ADGRB3: variants seen among roughly 807,000 people sequenced by gnomAD.
ADGRB3 encodes the protein brain-specific angiogenesis inhibitor 3.
A neutral mutation model predicts 193.4 loss-of-function variants in ADGRB3; 37 were observed. The ratio of observed to expected loss-of-function variants is 0.19; its 90% CI spans 0.15 to 0.25. ADGRB3 has a LOEUF of 0.25. Ranked by LOEUF, ADGRB3 falls within the 10% of genes least tolerant of loss-of-function variation. The pLI, the probability that ADGRB3 is intolerant of heterozygous loss-of-function variation, is 1.00. For synonymous variants in ADGRB3, 690 were observed against 644.2 expected, an observed-to-expected ratio of 1.07 and a Z score of -1.08; for missense variants, 1,637 against 1,852.9, an observed-to-expected ratio of 0.88 and a Z score of 2.14.
At chr6:68,659,013 T>C (rs970712529) in intron 3 of ADGRB3, among the ~76,000 whole-genome samples, 1 of 151,168 alleles carries the variant, frequency 6.6e-6, no homozygotes, top group African/African-American at 2.4e-5. Flanking sequence ...ATTCCCTGGC[T>C]TAGAGAATAT....
intron 17 of ADGRB3, among the ~76,000 whole-genome samples, chr6:69,198,330 G>A (rs911774883): frequency 3.9e-5 from 6 of 152,010 alleles, no homozygotes; most frequent in Non-Finnish European, 8.8e-5. Flanking sequence ...ATAAAGGGAT[G>A]AATGAGACTG....
intron 3 of ADGRB3, among the ~76,000 whole-genome samples, chr6:68,839,522 A>G (rs1393843850): frequency 1.3e-5 from 2 of 152,218 alleles, no homozygotes; most frequent in African/African-American, 4.8e-5. Flanking sequence ...AACTTTACAT[A>G]GATGTCACCT....
intron 17 of ADGRB3, among the ~76,000 whole-genome samples, chr6:69,150,736 A>G (rs745627931): frequency 1.7e-4 from 26 of 152,316 alleles, no homozygotes; most frequent in African/African-American, 5.8e-4. Context: ...TGAAGTCAGC[A>G]TATCTCACCC....
At chr6:69,170,247 G>T (rs1775237961) in intron 17 of ADGRB3, among the ~76,000 whole-genome samples, 1 of 152,112 alleles carries the variant, frequency 6.6e-6, no homozygotes, top group African/African-American at 2.4e-5. Flanking sequence ...TTCAGTTCAA[G>T]CATATGTTGA....
chr6:69,214,084 G>T (rs1003148052), intron 17 of ADGRB3, among the ~76,000 whole-genome samples: 8 of 152,162 alleles, frequency 5.3e-5, no homozygotes, highest in African/African-American at 1.9e-4. Flanking sequence ...ATTAAGGAAA[G>T]TTTTACAGAG....
rs774161583 is a variant in ADGRB3 at position 69,235,020 on chromosome 6, T to C, written c.2608-12T>C. On this transcript the variant is annotated splice_polypyrimidine_tract_variant and intron_variant, in intron 18 of 31. Transcript: ENST00000370598. ...ACCAATTTGTTTCTTTTTTGTTTTGTTTAATTCACAGATCATGGAATCCTC... is the reference window on the plus strand; with the variant it reads ...ACCAATTTGTTTCTTTTTTGTTTTGCTTAATTCACAGATCATGGAATCCTC... 1 of 1,590,316 alleles carries C rather than the reference T, an allele frequency of 6.3e-7. No homozygotes were observed. The highest frequency in any genetic ancestry group is 8.6e-7 in the Non-Finnish European group (1 of 1,161,502).
At chr6:68,793,511 T>C (rs1049282791) in intron 3 of ADGRB3, among the ~76,000 whole-genome samples, 1 of 152,164 alleles carries the variant, frequency 6.6e-6, no homozygotes, top group Non-Finnish European at 1.5e-5. Flanking sequence ...TTCAAGGTTA[T>C]ATTCTATAAT....
intron 30 of ADGRB3, among the ~76,000 whole-genome samples, chr6:69,377,718 G>C (rs1174427802): frequency 6.6e-6 from 1 of 151,994 alleles, no homozygotes; most frequent in Non-Finnish European, 1.5e-5. Context: ...GCTTCTAAAA[G>C]TCTGTATACA....
At chr6:68,729,972 G>T (rs903113142) in intron 3 of ADGRB3, among the ~76,000 whole-genome samples, 2 of 151,212 alleles carry the variant, frequency 1.3e-5, no homozygotes, top group Non-Finnish European at 3.0e-5. Context: ...TAATCTGGTG[G>T]AAAAGGATGC....
At chr6:69,361,847 T>G (rs1174730670) in intron 29 of ADGRB3, among the ~76,000 whole-genome samples, 1 of 151,796 alleles carries the variant, frequency 6.6e-6, no homozygotes, top group Non-Finnish European at 1.5e-5. Flanking sequence ...AATAAATAAA[T>G]AACAGGATTC....
chr6:69,218,257 C>T (rs1185915780), intron 17 of ADGRB3, among the ~76,000 whole-genome samples: 1 of 152,070 alleles, frequency 6.6e-6, no homozygotes, highest in Non-Finnish European at 1.5e-5. Flanking sequence ...AGGAGCTACT[C>T]ACATTTTAAA....
At chr6:69,097,299 A>G (rs1317076018) in intron 17 of ADGRB3, among the ~76,000 whole-genome samples, 1 of 152,190 alleles carries the variant, frequency 6.6e-6, no homozygotes, top group Non-Finnish European at 1.5e-5. Flanking sequence ...ATATTACTAA[A>G]TGAACAGCTC....
chr6:68,772,854 A>AAACC (rs1766645356), intron 3 of ADGRB3, among the ~76,000 whole-genome samples: 1 of 66,500 alleles, frequency 1.5e-5, no homozygotes, highest in Non-Finnish European at 2.8e-5. Flanking sequence ...CCTATTTCTA[A>AAACC]AAACAAACAA....
At chr6:69,179,045 G>A (rs971984591) in intron 17 of ADGRB3, among the ~76,000 whole-genome samples, 10 of 152,072 alleles carry the variant, frequency 6.6e-5, no homozygotes, top group African/African-American at 2.4e-4. Context: ...ATGTATTCCA[G>A]GTTGTTTTCT....
intron 17 of ADGRB3, chr6:69,233,026 A>G: frequency 2.0e-6 from 1 of 505,804 alleles, no homozygotes; most frequent in Non-Finnish European, 3.5e-6. Flanking sequence ...ATAGGGCTGG[A>G]CAGAGCTAGT....
intron 3 of ADGRB3, among the ~76,000 whole-genome samples, chr6:68,878,037 T>C (rs1164604190): frequency 6.6e-6 from 1 of 152,174 alleles, no homozygotes; most frequent in Non-Finnish European, 1.5e-5. Context: ...GAGACTCATG[T>C]CAGCTTTTCT....
At chr6:69,212,888 G>A (rs1022355536) in intron 17 of ADGRB3, among the ~76,000 whole-genome samples, 7 of 152,240 alleles carry the variant, frequency 4.6e-5, no homozygotes, top group African/African-American at 1.7e-4. Context: ...GGTGATAGGA[G>A]GTAGCAGACA....
intron 3 of ADGRB3, among the ~76,000 whole-genome samples, chr6:68,687,379 A>G (rs534413018): frequency 5.3e-5 from 8 of 152,162 alleles, no homozygotes; most frequent in African/African-American, 1.9e-4. Flanking sequence ...AAAACTATGC[A>G]TGGATTTGCA....
Position 69,388,903 on chromosome 6 carries a change from T to A in ADGRB3, c.*12T>A. 6.2e-7 allele frequency: 1 copy of A among 1,606,880 alleles called. No individual in the cohort carries two copies. Among genetic ancestry groups the A allele is most frequent in the Non-Finnish European group, 8.5e-7 (1 of 1,176,634 alleles). On this transcript the variant is annotated 3_prime_UTR_variant, in exon 32 of 32. Coordinates refer to ENST00000370598, the MANE Select transcript of ADGRB3 (RefSeq NM_001704.3). ...AAACAGAAGTTTAAAAAAATCAAAA[T>A]GGACTAAGGTAGAGACAAAACTTTA...
Sources: allele counts gnomAD v4.1 joint callset (sites outside exome capture counted in the v4.1 genomes callset), GRCh38; gene constraint gnomAD v4.1.1; transcripts MANE v1.5; gene names NCBI Gene and HGNC (gene_info 2026-07-23, HGNC 2026-07-21).